The following C10orf67 variants were observed in gnomAD, a reference collection of about 807,000 sequenced individuals.
C10orf67 encodes the protein chromosome 10 open reading frame 67.
Under a neutral mutation model 35.6 loss-of-function variants are expected in C10orf67, and 60 were observed. That is an observed-to-expected ratio of 1.68 (90% confidence interval 1.37 to 2.09). The LOEUF (loss-of-function observed/expected upper bound fraction) is 2.09, where lower values mean the gene tolerates loss of function less well. C10orf67 is among the 30% of genes most tolerant of loss of function. C10orf67 has a pLI of 0.00. For missense variants in C10orf67, 474 were observed against 330.2 expected, an observed-to-expected ratio of 1.44 and a Z score of -3.38; for synonymous variants, 167 against 115.8, an observed-to-expected ratio of 1.44 and a Z score of -2.84.
chr10:23,324,169 G>C (rs1845092862), intron 2 of C10orf67, among the ~76,000 whole-genome samples: 1 of 151,176 alleles, frequency 6.6e-6, no homozygotes, highest in East Asian at 2.0e-4. Flanking sequence ...GCTTCACCAT[G>C]GTGCTACAGG....
intron 10 of C10orf67, among the ~76,000 whole-genome samples, chr10:23,252,183 G>C (rs112952969): frequency 1.3e-3 from 200 of 152,068 alleles, no homozygotes; most frequent in African/African-American, 4.7e-3. Flanking sequence ...CTATGTTCTA[G>C]GAAATTTTCT....
At chr10:23,234,594 C>T (rs1191129801) in intron 13 of C10orf67, among the ~76,000 whole-genome samples, 1 of 151,864 alleles carries the variant, frequency 6.6e-6, no homozygotes, top group African/African-American at 2.4e-5. Context: ...TAACACCTGG[C>T]TGAAGAAATA....
intron 5 of C10orf67, among the ~76,000 whole-genome samples, chr10:23,299,893 G>A (rs1183028458): frequency 6.6e-6 from 1 of 151,952 alleles, no homozygotes; most frequent in Non-Finnish European, 1.5e-5. Flanking sequence ...CAGGAGAATG[G>A]CGCGAACCCA....
chr10:23,273,497 A>G (rs913017901), intron 8 of C10orf67, among the ~76,000 whole-genome samples: 9 of 152,198 alleles, frequency 5.9e-5, no homozygotes, highest in African/African-American at 2.2e-4. Context: ...CAAGGCCTTA[A>G]AAAATCTCAT....
Position 23,333,135 on chromosome 10 carries a change from T to C in C10orf67, c.254A>G (p.His85Arg), listed in dbSNP as rs758563249. 6.2e-7 allele frequency: 1 copy of C among 1,609,180 alleles called. No homozygotes were observed. The highest frequency in any genetic ancestry group is 8.5e-7 in the Non-Finnish European group (1 of 1,176,250). The change falls in exon 2 of 16, where the codon CAT (histidine) becomes CGT (arginine). Residue 85 changes from histidine (H) to arginine (R), a missense_variant. By Grantham distance (29) the His-to-Arg change is conservative (BLOSUM62 0). Transcript: ENST00000636213. ...DLKIGFFSTD[H>R]ATQTDSSEIL... ...TTCACTGGAATCAGTTTGAGTGGCA[T>C]GGTCTGTGCTGAAAAAGCCAATCTT...
At chr10:23,221,029 C>G (rs1162646674) in intron 15 of C10orf67, among the ~76,000 whole-genome samples, 2 of 152,040 alleles carry the variant, frequency 1.3e-5, no homozygotes, top group African/African-American at 4.8e-5. Context: ...ATAGTAACCC[C>G]TTATGTTTTA....
At chr10:23,312,098 C>T (rs759504637) in intron 4 of C10orf67, among the ~76,000 whole-genome samples, 3 of 152,122 alleles carry the variant, frequency 2.0e-5, no homozygotes, top group Non-Finnish European at 4.4e-5. Context: ...ATTATACTTA[C>T]TAATTAATAC....
chr10:23,264,388 C>T (rs759631600), intron 10 of C10orf67, among the ~76,000 whole-genome samples: 14 of 152,138 alleles, frequency 9.2e-5, no homozygotes, highest in South Asian at 2.1e-4. Context: ...TCCCCTCCCC[C>T]GGTCCAATTT....
At chr10:23,339,026 G>GAGGC (rs1845788640) in intron 1 of C10orf67, among the ~76,000 whole-genome samples, 1 of 152,124 alleles carries the variant, frequency 6.6e-6, no homozygotes, top group Admixed American at 6.5e-5. Flanking sequence ...CAAGAATGAA[G>GAGGC]AGGCACCTCT....
intron 1 of C10orf67, among the ~76,000 whole-genome samples, chr10:23,334,275 AT>A (rs1036205094): frequency 1.3e-5 from 2 of 152,214 alleles, no homozygotes; most frequent in Non-Finnish European, 1.5e-5. Context: ...GTGTTTGTAA[AT>A]TCCTTCTACA....
intron 12 of C10orf67, among the ~76,000 whole-genome samples, chr10:23,240,712 A>C (rs775975288): frequency 2.6e-4 from 40 of 152,352 alleles, no homozygotes; most frequent in Middle Eastern, 3.4e-3. Context: ...TACTCACACA[A>C]AAGACTCTTT....
chr10:23,255,072 T>G (rs1842566244), intron 10 of C10orf67, among the ~76,000 whole-genome samples: 1 of 152,092 alleles, frequency 6.6e-6, no homozygotes, highest in Non-Finnish European at 1.5e-5. Flanking sequence ...TGAACACCAG[T>G]AATGTGCCAG....
intron 8 of C10orf67, among the ~76,000 whole-genome samples, chr10:23,281,227 T>G (rs556830874): frequency 1.2e-4 from 18 of 152,272 alleles, no homozygotes; most frequent in Admixed American, 3.3e-4. Flanking sequence ...CACAGGGTGC[T>G]GAGAGTAACA....
chr10:23,304,302 C>T (rs1844193352), intron 4 of C10orf67, among the ~76,000 whole-genome samples: 1 of 152,166 alleles, frequency 6.6e-6, no homozygotes, highest in Admixed American at 6.5e-5. Flanking sequence ...CACCCAGGGG[C>T]TTGCTGAAAG....
chr10:23,342,547 G>C (rs1845940123), intron 1 of C10orf67, among the ~76,000 whole-genome samples: 1 of 152,146 alleles, frequency 6.6e-6, no homozygotes, highest in Non-Finnish European at 1.5e-5. Flanking sequence ...CCATCGGTCT[G>C]CTCTTGAGCC....
chr10:23,275,629 T>C (rs999080612), intron 8 of C10orf67, among the ~76,000 whole-genome samples: 3 of 152,030 alleles, frequency 2.0e-5, no homozygotes, highest in Non-Finnish European at 2.9e-5. Flanking sequence ...AGAGGCACTC[T>C]AGCATGCCCT....
chr10:23,290,691 G>C (rs1843694565), intron 6 of C10orf67, among the ~76,000 whole-genome samples: 1 of 152,180 alleles, frequency 6.6e-6, no homozygotes, highest in African/African-American at 2.4e-5. Context: ...GAAGTAACTA[G>C]TAAGTACTAG....
chr10:23,343,896 C>T (rs761769164), intron 1 of C10orf67: 1 of 463,462 alleles, frequency 2.2e-6, no homozygotes, highest in East Asian at 7.4e-5. Context: ...CTGCCTCTCC[C>T]GCTGGTCACC....
At chr10:23,294,136 G>A (rs979800166) in intron 5 of C10orf67, among the ~76,000 whole-genome samples, 5 of 152,170 alleles carry the variant, frequency 3.3e-5, no homozygotes, top group Admixed American at 2.6e-4. Flanking sequence ...GAGAAGAGCA[G>A]GTGCTTTCCC....
Sources: allele counts gnomAD v4.1 joint callset (sites outside exome capture counted in the v4.1 genomes callset), GRCh38; gene constraint gnomAD v4.1.1; transcripts MANE v1.5; gene names NCBI Gene and HGNC (gene_info 2026-07-23, HGNC 2026-07-21).